Variants in FAXC observed in about 807,000 individuals in gnomAD.
FAXC encodes the protein failed axon connections homolog.
Under a neutral mutation model 41.9 loss-of-function variants are expected in FAXC, and 10 were observed. The observed-to-expected ratio is 0.24, with a 90% CI of 0.15 to 0.41. The LOEUF is 0.41. Among genes scored for constraint, FAXC ranks in the 10% least tolerant of loss-of-function variants. The probability of loss-of-function intolerance (pLI) is 1.00; values close to 1 mark genes in which losing one functional copy is unlikely to be tolerated. For synonymous variants in FAXC, 183 were observed against 183.8 expected (o/e 1.00, Z 0.03); for missense variants, 399 against 510.9 (o/e 0.78, Z 2.11).
intron 2 of FAXC, among the ~76,000 whole-genome samples, chr6:99,336,338 T>C (rs1415926782): frequency 2.6e-5 from 4 of 152,116 alleles, no homozygotes; most frequent in Admixed American, 2.6e-4. Context: ...AAACTCCTTG[T>C]GATCCTCCTT....
intron 2 of FAXC, among the ~76,000 whole-genome samples, chr6:99,338,927 T>A (rs1180145852): frequency 6.6e-6 from 1 of 152,088 alleles, no homozygotes; most frequent in Non-Finnish European, 1.5e-5. Context: ...ACATCCCATG[T>A]CCTCCCTGAT....
chr6:99,277,643 TTCCAACCAGGGAATGGCTGGA>T lies in FAXC; in HGVS notation c.*3500_*3520del, dbSNP rs894818181. 6.6e-5 allele frequency: 10 copies of T among 152,262 alleles called. No homozygotes were observed. Among genetic ancestry groups the T allele is most frequent in the African/African-American group, 2.4e-4 (10 of 41,434 alleles). 9.4% of individuals were successfully genotyped at this position (152,262 alleles called of 1,614,324 possible). A position where few individuals can be genotyped will look rare whatever the true frequency, so the allele number is the denominator to read the frequency against. The stretch of plus-strand genomic sequence containing the variant: ...GGACATGGACAAAAGCGAAGTAGGA[TTCCAACCAGGGAATGGCTGGA>T]GATGTGCTGGTTGTCTGAACACAGG... On this transcript the variant is annotated 3_prime_UTR_variant, in exon 6 of 6. Coordinates refer to ENST00000389677, the MANE Select transcript of FAXC (RefSeq NM_032511.4).
At position 99,291,106 on chromosome 6, in the gene FAXC, G is replaced by A. The variant is rs146823910; in HGVS notation, c.940+598C>T. On this transcript the variant is annotated intron_variant, in intron 5 of 5. Coordinates refer to ENST00000389677, the MANE Select transcript of FAXC (RefSeq NM_032511.4). ...ATTACAGACGTGAGCCACTGCATCCGGCTGCTCTGCTACTCTTAGTGAATG... is the reference window on the plus strand; with the variant it reads ...ATTACAGACGTGAGCCACTGCATCCAGCTGCTCTGCTACTCTTAGTGAATG... 4.0e-3 allele frequency among the ~76,000 whole-genome samples: 615 copies of A among 152,284 alleles called. 6 individuals carry two copies. The highest frequency in any genetic ancestry group is 0.014 in the African/African-American group (563 of 41,562).
intron 5 of FAXC, among the ~76,000 whole-genome samples, chr6:99,289,783 T>C (rs182106528): frequency 1.5e-4 from 23 of 151,782 alleles, no homozygotes; most frequent in Admixed American, 1.3e-4. Flanking sequence ...ATACATTAGT[T>C]TAGCTTACCT....
At chr6:99,326,585 G>C (rs1772812403) in intron 3 of FAXC, among the ~76,000 whole-genome samples, 1 of 152,184 alleles carries the variant, frequency 6.6e-6, no homozygotes, top group Non-Finnish European at 1.5e-5. Context: ...ACTCCAGATA[G>C]AGAACTGGTG....
At chr6:99,339,187 C>T (rs925513154) in intron 2 of FAXC, among the ~76,000 whole-genome samples, 3 of 152,218 alleles carry the variant, frequency 2.0e-5, no homozygotes, top group East Asian at 3.8e-4. Context: ...GAGCCCACCC[C>T]CTCCAACCTC....
chr6:99,297,313 G>A (rs1479434669), intron 4 of FAXC, among the ~76,000 whole-genome samples: 1 of 152,140 alleles, frequency 6.6e-6, no homozygotes, highest in Admixed American at 6.5e-5. Flanking sequence ...CTGAGCGGAT[G>A]GCTGGATGAG....
chr6:99,326,681 A>C, intron 3 of FAXC, among the ~76,000 whole-genome samples: 1 of 152,178 alleles, frequency 6.6e-6, no homozygotes, highest in East Asian at 1.9e-4. Flanking sequence ...AGGAAACCAT[A>C]GTTCAAGGGC....
At chr6:99,306,263 G>A (rs1032617164) in intron 4 of FAXC, among the ~76,000 whole-genome samples, 7 of 152,162 alleles carry the variant, frequency 4.6e-5, no homozygotes, top group South Asian at 2.1e-4. Flanking sequence ...GGCAAGGGCC[G>A]GGGTCTATGA....
intron 2 of FAXC, among the ~76,000 whole-genome samples, chr6:99,337,232 A>T (rs1773247430): frequency 1.3e-5 from 2 of 149,666 alleles, no homozygotes; most frequent in Admixed American, 1.3e-4. Context: ...TGTGCACTGT[A>T]CTATTCTTTT....
Position 99,271,980 on chromosome 6 carries a change from G to A in FAXC, c.*9184C>T, listed in dbSNP as rs927957334. 1 of 152,138 alleles carries A rather than the reference G, an allele frequency of 6.6e-6. No homozygotes were observed. Among genetic ancestry groups the A allele is most frequent in the Non-Finnish European group, 1.5e-5 (1 of 68,040 alleles). 9.4% of individuals were successfully genotyped at this position (152,138 alleles called of 1,614,324 possible). A position where few individuals can be genotyped will look rare whatever the true frequency, so the allele number is the denominator to read the frequency against. On this transcript the variant is annotated 3_prime_UTR_variant, in exon 6 of 6. Coordinates refer to ENST00000389677, the MANE Select transcript of FAXC (RefSeq NM_032511.4). ...ACATGTGTGAATCACTTCATAGTAA[G>A]ATTTGAATTTCCAAAATCTTGCTGT... is the stretch of plus-strand genomic sequence containing the variant.
intron 4 of FAXC, among the ~76,000 whole-genome samples, chr6:99,316,157 GCC>G (rs71021722): frequency 6.8e-6 from 1 of 146,270 alleles, no homozygotes; most frequent in East Asian, 2.1e-4. Flanking sequence ...TAACCCACTC[GCC>G]CCCCCCCACC....
At chr6:99,326,291 G>A (rs1248412571) in intron 3 of FAXC, among the ~76,000 whole-genome samples, 1 of 152,166 alleles carries the variant, frequency 6.6e-6, no homozygotes, top group Non-Finnish European at 1.5e-5. Context: ...TGATGCACTG[G>A]GTGAGGCAAA....
At position 99,278,920 on chromosome 6, in the gene FAXC, A is replaced by C. The variant is rs1456382157; in HGVS notation, c.*2244T>G. 1 of 152,258 alleles carries C rather than the reference A, an allele frequency of 6.6e-6. No individual in the cohort carries two copies. Among genetic ancestry groups the C allele is most frequent in the Non-Finnish European group, 1.5e-5 (1 of 68,044 alleles). The allele number at this position is 152,258 out of a possible 1,614,324, so 9.4% of individuals were successfully genotyped here. On this transcript the variant is annotated 3_prime_UTR_variant, in exon 6 of 6. Coordinates refer to ENST00000389677, the MANE Select transcript of FAXC (RefSeq NM_032511.4). ...ATTCTCATAACTTAATCATCCTTTG[A>C]GAGAAAATACATCACACTTGGTACT...
intron 4 of FAXC, among the ~76,000 whole-genome samples, chr6:99,293,696 G>GTGTGTGTC (rs1554198509): frequency 7.1e-6 from 1 of 140,180 alleles, no homozygotes; most frequent in Non-Finnish European, 1.6e-5. Flanking sequence ...GTGTGTGTGT[G>GTGTGTGTC]TGTGTGTGTG....
At chr6:99,285,279 A>G (rs1218975900) in intron 5 of FAXC, among the ~76,000 whole-genome samples, 4 of 152,218 alleles carry the variant, frequency 2.6e-5, no homozygotes, top group Non-Finnish European at 5.9e-5. Flanking sequence ...TTTAAGCAAA[A>G]AAAGAGAAGT....
At chr6:99,333,164 G>A (rs1773090103) in intron 3 of FAXC, among the ~76,000 whole-genome samples, 187 bp downstream of exon 3, 1 of 152,202 alleles carries the variant, frequency 6.6e-6, no homozygotes, top group Admixed American at 6.5e-5. Context: ...TACAGAAATG[G>A]TTTGCTGACC....
chr6:99,340,387 C>G lies in FAXC; in HGVS notation c.402+2511G>C, dbSNP rs932489999. Among the ~76,000 whole-genome samples, 8 of 152,136 alleles carry G rather than the reference C, an allele frequency of 5.3e-5. No homozygotes were observed. The South Asian group carries it at 1.2e-3, about 24-fold the overall frequency. Reference sequence around the variant, plus strand: ...AAGTGCTGGGATTACAGGCATGAGCCACCAGCCTGGCCTAATATTTTTAAA... The same window carrying G: ...AAGTGCTGGGATTACAGGCATGAGCGACCAGCCTGGCCTAATATTTTTAAA... On this transcript the variant is annotated intron_variant, in intron 2 of 5. Transcript: ENST00000389677.
At chr6:99,326,935 C>G (rs1489698611) in intron 3 of FAXC, among the ~76,000 whole-genome samples, 1 of 152,144 alleles carries the variant, frequency 6.6e-6, no homozygotes, top group Non-Finnish European at 1.5e-5. Flanking sequence ...GGCAGCTGTT[C>G]TGGGCCACAC....
Sources: gnomAD v4.1 joint callset for allele counts (sites outside exome capture counted in the v4.1 genomes callset) on GRCh38, gnomAD v4.1.1 for gene constraint, MANE v1.5 for transcripts, NCBI Gene and HGNC (gene_info 2026-07-23, HGNC 2026-07-21) for gene names.